Variants in PTPRD observed in about 807,000 individuals in gnomAD.
The protein encoded by PTPRD is receptor-type tyrosine-protein phosphatase delta.
Under a neutral mutation model 214.5 loss-of-function variants are expected in PTPRD, and 34 were observed. The observed-to-expected ratio is 0.16, with a 90% confidence interval of 0.12 to 0.21. The LOEUF is 0.21. PTPRD is among the 10% of genes least tolerant of loss of function. The pLI, the probability that PTPRD is intolerant of heterozygous loss-of-function variation, is 1.00. For synonymous variants in PTPRD, 1,128 were observed against 845.7 expected (o/e 1.33, Z -5.79); for missense variants, 2,545 against 2,398.7 (o/e 1.06, Z -1.27).
At chr9:8,916,145 A>T (rs1228461908) in intron 11 of PTPRD, among the ~76,000 whole-genome samples, 1 of 152,110 alleles carries the variant, frequency 6.6e-6, no homozygotes, top group Non-Finnish European at 1.5e-5. Flanking sequence ...TTATCAATGG[A>T]TATACAGTCT....
At chr9:8,867,920 A>G (rs570520317) in intron 11 of PTPRD, among the ~76,000 whole-genome samples, 2 of 152,266 alleles carry the variant, frequency 1.3e-5, no homozygotes, top group East Asian at 1.9e-4. Context: ...TTTCTAGATT[A>G]CATTGTTGTT....
Position 8,376,733 on chromosome 9 carries a change from G to T in PTPRD, c.4387-7C>A, listed in dbSNP as rs776738101. On this transcript the variant is annotated splice_region_variant and splice_polypyrimidine_tract_variant and intron_variant, in intron 37 of 45. Transcript: ENST00000381196. ...AATACTGGTCACACTTCACCTACAA[G>T]AAACAAGTGACACATTCAGGGCAAA... 2.5e-6 allele frequency: 4 copies of T among 1,612,584 alleles called. No individual in the cohort carries two copies. The South Asian group carries it at 4.4e-5, about 18-fold the overall frequency.
rs116644227 is a variant in PTPRD, at chr9:10,120,380, T to C, written c.-544-86590A>G. On this transcript the variant is annotated intron_variant, in intron 3 of 45. Transcript: ENST00000381196. ...AACCACTGCTCTGATTTAAGTACTT[T>C]TTATCCTCACTTCATTGGTGAGGAA... Among the ~76,000 whole-genome samples, 62 of 152,128 alleles carry C rather than the reference T, an allele frequency of 4.1e-4. 1 individual carries two copies. The highest frequency in any genetic ancestry group is 1.4e-3 in the African/African-American group (58 of 41,558).
At chr9:9,450,792 G>C in intron 8 of PTPRD, among the ~76,000 whole-genome samples, 1 of 151,204 alleles carries the variant, frequency 6.6e-6, no homozygotes, top group East Asian at 1.9e-4. Context: ...TTTTAAAAAA[G>C]AGAACAAAGT....
intron 8 of PTPRD, among the ~76,000 whole-genome samples, chr9:9,449,728 G>C (rs1172347290): frequency 6.6e-6 from 1 of 151,566 alleles, no homozygotes; most frequent in East Asian, 1.9e-4. Flanking sequence ...TCTTATAGCA[G>C]TCATTCTTTT....
At chr9:9,919,912 C>G (rs190670721) in intron 5 of PTPRD, among the ~76,000 whole-genome samples, 10 of 152,224 alleles carry the variant, frequency 6.6e-5, no homozygotes, top group African/African-American at 1.9e-4. Context: ...TACAGTATTT[C>G]ATAAATGCAG....
chr9:9,992,284 G>C (rs1422127709), intron 4 of PTPRD, among the ~76,000 whole-genome samples: 1 of 152,118 alleles, frequency 6.6e-6, no homozygotes, highest in African/African-American at 2.4e-5. Flanking sequence ...TAGATGGAAT[G>C]AAAATAAAAA....
At chr9:8,857,797 T>TCGCCGC (rs1336279869) in intron 11 of PTPRD, 4 of 155,038 alleles carry the variant, frequency 2.6e-5, no homozygotes, top group Admixed American at 6.6e-5. Context: ...GCCCCCCTGG[T>TCGCCGC]CGCCGCCGCC....
rs903933194 is a variant in PTPRD at position 8,541,298 on chromosome 9, T to C, written c.353-12519A>G. Among the ~76,000 whole-genome samples the C allele has an allele frequency of 2.5e-4, 38 of 152,154 alleles. 1 individual carries two copies. The highest frequency in any genetic ancestry group is 2.0e-3 in the Admixed American group (31 of 15,278). Reference sequence around the variant, plus strand: ...AGGCTGGACTGCAATGGTGCAATCATAGTTCACTGCAGCATCAACCTCCCA... The same window carrying C: ...AGGCTGGACTGCAATGGTGCAATCACAGTTCACTGCAGCATCAACCTCCCA... On this transcript the variant is annotated intron_variant, in intron 14 of 45. Transcript: ENST00000381196.
At chr9:8,821,351 T>C (rs2097058898) in intron 11 of PTPRD, among the ~76,000 whole-genome samples, 1 of 152,136 alleles carries the variant, frequency 6.6e-6, no homozygotes, top group African/African-American at 2.4e-5. Flanking sequence ...ACTCCTGGAC[T>C]CCTGTTACCT....
At chr9:8,591,493 T>C (rs930635466) in intron 14 of PTPRD, among the ~76,000 whole-genome samples, 1 of 152,156 alleles carries the variant, frequency 6.6e-6, no homozygotes, top group African/African-American at 2.4e-5. Flanking sequence ...GCAGGTTGGA[T>C]TTAATTTTCA....
intron 10 of PTPRD, among the ~76,000 whole-genome samples, chr9:9,091,822 G>C (rs1330886559): frequency 6.6e-6 from 1 of 152,164 alleles, no homozygotes; most frequent in South Asian, 2.1e-4. Context: ...TTACTCTCAG[G>C]TTTCATCTAG....
chr9:9,393,293 T>C (rs1447541560), intron 9 of PTPRD, among the ~76,000 whole-genome samples: 1 of 152,138 alleles, frequency 6.6e-6, no homozygotes, highest in Non-Finnish European at 1.5e-5. Context: ...TTTTGACCAA[T>C]GGGACATTAG....
At chr9:9,255,846 G>C (rs1164013219) in intron 9 of PTPRD, among the ~76,000 whole-genome samples, 2 of 151,944 alleles carry the variant, frequency 1.3e-5, no homozygotes, top group Non-Finnish European at 2.9e-5. Flanking sequence ...TTCGTACCTA[G>C]AACAATTCCT....
chr9:9,333,247 A>G (rs2043007994), intron 9 of PTPRD, among the ~76,000 whole-genome samples: 1 of 151,846 alleles, frequency 6.6e-6, no homozygotes, highest in Admixed American at 6.6e-5. Context: ...GTGACATAGA[A>G]TAAGGGCTTG....
intron 9 of PTPRD, among the ~76,000 whole-genome samples, chr9:9,388,890 G>A (rs4275270): frequency 0.27 from 40,115 of 151,042 alleles, 5,392 homozygotes; most frequent in Middle Eastern, 0.31. Context: ...CCAGTCTCCT[G>A]AAAAAAAAAT....
intron 35 of PTPRD, among the ~76,000 whole-genome samples, chr9:8,431,494 G>A (rs1466888913): frequency 6.6e-6 from 1 of 152,126 alleles, no homozygotes; most frequent in Non-Finnish European, 1.5e-5. Flanking sequence ...ATTTCTAGGG[G>A]CTGCAGTTGC....
chr9:8,654,570 A>C (rs541684513), intron 12 of PTPRD, among the ~76,000 whole-genome samples: 1 of 152,338 alleles, frequency 6.6e-6, no homozygotes, highest in South Asian at 2.1e-4. Flanking sequence ...AAGCTATATA[A>C]TCATTATATA....
chr9:8,538,628 T>C (rs990365704), intron 14 of PTPRD, among the ~76,000 whole-genome samples: 3 of 151,494 alleles, frequency 2.0e-5, no homozygotes, highest in Middle Eastern at 3.5e-3. Context: ...TACACACATA[T>C]ATATATACAT....
Sources: allele counts gnomAD v4.1 joint callset (sites outside exome capture counted in the v4.1 genomes callset), GRCh38; gene constraint gnomAD v4.1.1; transcripts MANE v1.5; gene names NCBI Gene and HGNC (gene_info 2026-07-23, HGNC 2026-07-21).